ZDHHC11B: variants seen among roughly 807,000 people sequenced by gnomAD.
ZDHHC11B encodes probable palmitoyltransferase ZDHHC11B.
Under a neutral mutation model 42.3 loss-of-function variants are expected in ZDHHC11B, and 17 were observed. The ratio of observed to expected loss-of-function variants is 0.40; its 90% CI spans 0.27 to 0.60. The LOEUF is 0.60. Ranked by LOEUF, ZDHHC11B falls within the 20% of genes least tolerant of loss-of-function variation. The pLI is 0.41. For synonymous variants in ZDHHC11B, 123 were observed against 193.5 expected (o/e 0.64, Z 3.02); for missense variants, 262 against 463.2 (o/e 0.57, Z 3.99).
intron 12 of ZDHHC11B, among the ~76,000 whole-genome samples, chr5:729,890 T>C (rs1742886317): frequency 1.3e-5 from 2 of 151,508 alleles, no homozygotes; most frequent in East Asian, 1.9e-4. Context: ...GGGAAGAATA[T>C]GCATTTGTCA....
intron 1 of ZDHHC11B, among the ~76,000 whole-genome samples, chr5:775,321 T>C (rs936602314): frequency 4.6e-5 from 7 of 151,898 alleles, no homozygotes; most frequent in African/African-American, 1.7e-4. Flanking sequence ...GGACAGTTGC[T>C]TGCGCCTCAG....
At chr5:727,045 T>G (rs1479978177) in intron 12 of ZDHHC11B, among the ~76,000 whole-genome samples, 1 of 131,806 alleles carries the variant, frequency 7.6e-6, no homozygotes, top group African/African-American at 2.9e-5. Flanking sequence ...TCACACTAAG[T>G]GATATGTAAT....
Position 751,163 on chromosome 5 carries a change from TG to T in ZDHHC11B, c.597del (p.Arg200GlyfsTer15). On this transcript the variant is annotated frameshift_variant, in exon 7 of 14. Coordinates refer to ENST00000508859, the MANE Select transcript of ZDHHC11B (RefSeq NM_001351303.2). LOFTEE classifies it high-confidence loss of function. ...LYVLVQYLVNPRVLRTDPRYE... is the reference protein window; with the variant it reads ...LYVLVQYLVNXRVLRTDPRYE... ...TACCTGGGGTCCGTGCGGAGCACCC[TG>T]GGGTTCACGAGGTACTGGACGAGGA... 8.1e-7 allele frequency: 1 copy of T among 1,242,086 alleles called. No homozygotes were observed. Among genetic ancestry groups the T allele is most frequent in the Non-Finnish European group, 1.1e-6 (1 of 937,614 alleles). The allele number at this position is 1,242,086 out of a possible 1,614,324, so 76.9% of individuals were successfully genotyped here. A position where few individuals can be genotyped will look rare whatever the true frequency, so the allele number is the denominator to read the frequency against.
At chr5:732,555 CA>C in intron 11 of ZDHHC11B, 1 of 410,638 alleles carries the variant, frequency 2.4e-6, no homozygotes, top group Non-Finnish European at 4.9e-6. Flanking sequence ...AGGCAAGGGG[CA>C]AGTCTTGGAC....
At chr5:775,965 C>G (rs1287272805) in intron 1 of ZDHHC11B, among the ~76,000 whole-genome samples, 1 of 141,954 alleles carries the variant, frequency 7.0e-6, no homozygotes, top group African/African-American at 2.7e-5. Flanking sequence ...TGCCAGGAAC[C>G]CCTGGGGGTC....
Position 733,766 on chromosome 5 carries a change from C to T in ZDHHC11B, c.1009G>A (p.Asp337Asn). 1 of 1,611,376 alleles carries T rather than the reference C, an allele frequency of 6.2e-7. No homozygotes were observed. Among genetic ancestry groups the T allele is most frequent in the South Asian group, 1.1e-5 (1 of 90,962 alleles). ...HFCTSVNQDGDSKAQEADDAP... is the reference protein window; with the variant it reads ...HFCTSVNQDGNSKAQEADDAP... Reference sequence around the variant, plus strand: ...CTGCAACTTACCTGTGCCTTCGAATCCCCGTCCTGGTTTACTGAAGTGCAG... The same window carrying T: ...CTGCAACTTACCTGTGCCTTCGAATTCCCGTCCTGGTTTACTGAAGTGCAG... The change falls in exon 11 of 14, where the codon GAT (aspartate) becomes AAT (asparagine). Residue 337 changes from aspartate to asparagine, a missense_variant. Physicochemically the swap from Asp to Asn is conservative, Grantham distance 23. Transcript: ENST00000508859.
Position 748,438 on chromosome 5 carries a change from C to G in ZDHHC11B, c.750G>C (p.Gln250His), listed in dbSNP as rs200204296. ...VLLLDLLGLV[Q>H]LGQLLIFHIY... ...TGTGGAAGATGAGCAGCTGGCCCAG[C>G]TGCACCAAGCCAAGAAGGTCCAGCA... Residue 250 changes from glutamine (Q) to histidine (H), a missense_variant, in exon 8 of 14, where the codon CAG becomes CAC. Physicochemically the swap from Gln to His is conservative, Grantham distance 24. Around this residue, in one of 5 missense-constraint regions of ZDHHC11B, gnomAD observed 57 missense variants for 103.3 expected, o/e 0.55. Coordinates refer to ENST00000508859, the MANE Select transcript of ZDHHC11B (RefSeq NM_001351303.2). 1,363 of 1,359,174 alleles carry G rather than the reference C, an allele frequency of 1.0e-3. 352 individuals are homozygous for G. The highest frequency in any genetic ancestry group is 1.4e-3 in the South Asian group (86 of 61,860). 84.2% of individuals were successfully genotyped at this position (1,359,174 alleles called of 1,614,324 possible). A position where few individuals can be genotyped will look rare whatever the true frequency, so the allele number is the denominator to read the frequency against.
At chr5:733,355 G>T (rs1191874958) in intron 11 of ZDHHC11B, among the ~76,000 whole-genome samples, 1 of 151,818 alleles carries the variant, frequency 6.6e-6, no homozygotes, top group African/African-American at 2.4e-5. Flanking sequence ...TCCTTCCTGA[G>T]CATTTTATTT....
chr5:764,644 G>A (rs1019789716), intron 4 of ZDHHC11B, among the ~76,000 whole-genome samples: 9 of 151,848 alleles, frequency 5.9e-5, no homozygotes, highest in African/African-American at 1.7e-4. Flanking sequence ...GAGCCTCCCC[G>A]CTGCCATGGG....
chr5:764,764 C>T (rs1475786909), intron 4 of ZDHHC11B, among the ~76,000 whole-genome samples: 1 of 151,968 alleles, frequency 6.6e-6, no homozygotes, highest in Non-Finnish European at 1.5e-5. Flanking sequence ...ACGGGACTGG[C>T]AGGCAGCTCC....
chr5:732,548 C>A (rs548734174), intron 11 of ZDHHC11B: 18 of 399,568 alleles, frequency 4.5e-5, no homozygotes, highest in South Asian at 2.6e-4. Context: ...GAAGTGCAGG[C>A]AAGGGGCAAG....
At chr5:715,697 C>T (rs1300058552) in intron 13 of ZDHHC11B, among the ~76,000 whole-genome samples, 2 of 151,588 alleles carry the variant, frequency 1.3e-5, no homozygotes, top group African/African-American at 4.9e-5. Flanking sequence ...ACAATTTTCA[C>T]AGGTTTGCTG....
intron 11 of ZDHHC11B, among the ~76,000 whole-genome samples, chr5:733,466 C>T (rs1470686974): frequency 6.6e-5 from 10 of 151,630 alleles, no homozygotes; most frequent in African/African-American, 2.4e-4. Flanking sequence ...TCAGACCCTG[C>T]CCTGGGCATC....
chr5:759,005 A>G (rs1476270298), intron 4 of ZDHHC11B, among the ~76,000 whole-genome samples: 2 of 151,862 alleles, frequency 1.3e-5, no homozygotes, highest in Non-Finnish European at 2.9e-5. Flanking sequence ...GATGACACGG[A>G]GCACCGTGTT....
chr5:718,849 G>C lies in ZDHHC11B; in HGVS notation c.1059-1984C>G, dbSNP rs1217711545. 1.3e-4 allele frequency among the ~76,000 whole-genome samples: 20 copies of C among 151,772 alleles called. 1 individual carries two copies. Among genetic ancestry groups the C allele is most frequent in the South Asian group, 4.2e-4 (2 of 4,810 alleles). On this transcript the variant is annotated intron_variant, in intron 12 of 13. Transcript: ENST00000508859. The stretch of plus-strand genomic sequence containing the variant: ...TTCTTGGAGCAGCTGGCTGATGTCA[G>C]AGTGAGCGTCAGGGACCTTGTCCTC...
chr5:777,644 C>T (rs576291178), intron 1 of ZDHHC11B, among the ~76,000 whole-genome samples: 3 of 152,076 alleles, frequency 2.0e-5, no homozygotes, highest in African/African-American at 4.8e-5. Flanking sequence ...CTAATTGGTC[C>T]GTTTTACAGA....
rs1156487051 is a variant in ZDHHC11B, at chr5:775,350, G to T, written c.-229-6420C>A. ...GCCTCAGTCTCCTCATCCTTGAAGG[G>T]GTGCAGCCGCTCCCCATCTCCCTCG... On this transcript the variant is annotated intron_variant, in intron 1 of 13. Coordinates refer to ENST00000508859, the MANE Select transcript of ZDHHC11B (RefSeq NM_001351303.2). Among the ~76,000 whole-genome samples the T allele has an allele frequency of 1.3e-5, 2 of 151,914 alleles. 1 individual carries two copies. Among genetic ancestry groups the T allele is most frequent in the Non-Finnish European group, 2.9e-5 (2 of 67,922 alleles).
chr5:777,944 C>G (rs530296403), intron 1 of ZDHHC11B, among the ~76,000 whole-genome samples: 1 of 151,726 alleles, frequency 6.6e-6, no homozygotes, highest in Non-Finnish European at 1.5e-5. Context: ...GCATGGCGGT[C>G]GGCGGGTCCC....
Position 748,998 on chromosome 5 carries a change from CCTCA to C in ZDHHC11B, c.629-443_629-440del, listed in dbSNP as rs759774360. On this transcript the variant is annotated intron_variant, in intron 7 of 13. Transcript: ENST00000508859. ...GCTGGGGTCACAGCACCCACCCCTT[CCTCA>C]CTAAGTGCTGGGGTCACAGTGCCCA... 5.5e-4 allele frequency among the ~76,000 whole-genome samples: 22 copies of C among 39,908 alleles called. 1 individual carries two copies. Among genetic ancestry groups the C allele is most frequent in the South Asian group, 1.9e-3 (2 of 1,044 alleles). The allele number at this position is 39,908 out of a possible 152,430, so 26.2% of individuals were successfully genotyped here. A position where few individuals can be genotyped will look rare whatever the true frequency, so the allele number is the denominator to read the frequency against.
Sources: allele counts gnomAD v4.1 joint callset (sites outside exome capture counted in the v4.1 genomes callset), GRCh38; gene constraint gnomAD v4.1.1; regional missense constraint gnomAD v4.1.1; transcripts MANE v1.5; gene names NCBI Gene and HGNC (gene_info 2026-07-23, HGNC 2026-07-21).